PRIM2: variants seen among roughly 807,000 people sequenced by gnomAD.
The protein encoded by PRIM2 is DNA primase subunit 2.
A neutral mutation model predicts 67.3 loss-of-function variants in PRIM2; 39 were observed. The observed-to-expected ratio is 0.58, with a 90% CI of 0.45 to 0.76. The LOEUF is 0.76. Ranked by LOEUF, PRIM2 falls within the 30% of genes least tolerant of loss-of-function variation. The pLI, the probability that PRIM2 is intolerant of heterozygous loss-of-function variation, is 0.00. For missense variants in PRIM2, 398 were observed against 598.7 expected (o/e 0.66, Z 3.50); for synonymous variants, 143 against 198.7 (o/e 0.72, Z 2.36).
chr6:57,645,971 T>G lies in PRIM2; in HGVS notation c.1343T>G (p.Phe448Cys). ...GFSLNHPNQF[F>C]CESQRILNGG... ...TCTTTGAATCATCCTAATCAGTTCT[T>G]TTGTGAGAGCCAACGTATTCTAAAT... The change falls in exon 14 of 14, where the codon TTT becomes TGT. Residue 448 changes from phenylalanine (F) to cysteine (C), a missense_variant. Around this residue, in one of 4 missense-constraint regions of PRIM2, gnomAD observed 72 missense variants for 89.4 expected, o/e 0.81. Transcript: ENST00000615550. 6.2e-7 allele frequency: 1 copy of G among 1,605,090 alleles called. No individual in the cohort carries two copies. Among genetic ancestry groups the G allele is most frequent in the Non-Finnish European group, 8.5e-7 (1 of 1,171,814 alleles).
intron 7 of PRIM2, among the ~76,000 whole-genome samples, chr6:57,436,407 GAGAA>G (rs1772015476): frequency 6.6e-6 from 1 of 152,210 alleles, no homozygotes; most frequent in Non-Finnish European, 1.5e-5. Context: ...TCATGAGAGA[GAGAA>G]ATTCCTATTT....
chr6:57,577,427 A>ATTTTTTT (rs1161633688), intron 10 of PRIM2, among the ~76,000 whole-genome samples: 1 of 121,678 alleles, frequency 8.2e-6, no homozygotes, highest in African/African-American at 3.2e-5. Context: ...TGGTATATAA[A>ATTTTTTT]TTTTTTTTTT....
At chr6:57,645,320 TTCACACACACAC>T (rs1777315590) in intron 13 of PRIM2, among the ~76,000 whole-genome samples, 1 of 70,914 alleles carries the variant, frequency 1.4e-5, no homozygotes, top group Non-Finnish European at 2.9e-5. Context: ...TACAATGTCA[TTCACACACACAC>T]ACACACACAC....
intron 5 of PRIM2, among the ~76,000 whole-genome samples, chr6:57,331,926 C>A (rs1227692252): frequency 6.6e-6 from 1 of 150,968 alleles, no homozygotes; most frequent in African/African-American, 2.4e-5. Flanking sequence ...TTTAGTATTT[C>A]CTTCCTTCTG....
intron 7 of PRIM2, among the ~76,000 whole-genome samples, chr6:57,456,275 C>G (rs1388054925): frequency 6.6e-6 from 1 of 152,144 alleles, no homozygotes; most frequent in African/African-American, 2.4e-5. Context: ...TGGAGTTGCT[C>G]TTCTCGAGGA....
chr6:57,232,555 T>A, the PRIM2 span, among the ~76,000 whole-genome samples: 4 of 151,906 alleles, frequency 2.6e-5, no homozygotes, highest in African/African-American at 9.7e-5. Flanking sequence ...TCAAAAAAAA[T>A]AAAAATAAAA....
the PRIM2 span, among the ~76,000 whole-genome samples, chr6:57,268,226 G>A: frequency 1.3e-5 from 2 of 152,096 alleles, no homozygotes; most frequent in Admixed American, 6.5e-5. Flanking sequence ...ACCACATTTT[G>A]TTCCCTTCAA....
chr6:57,277,758 A>T, the PRIM2 span, among the ~76,000 whole-genome samples: 1 of 152,028 alleles, frequency 6.6e-6, no homozygotes, highest in Non-Finnish European at 1.5e-5. Context: ...AGGCGGGTGG[A>T]TCACAAGGTC....
At position 57,646,329 on chromosome 6, in the gene PRIM2, C is replaced by T; in HGVS notation, c.*171C>T. Reference sequence around the variant, plus strand: ...AAGTGATCCTCCTACCTCAGCCTCCCAAGTAGTTAGGACCACAGGTGTGCA... The same window carrying T: ...AAGTGATCCTCCTACCTCAGCCTCCTAAGTAGTTAGGACCACAGGTGTGCA... On this transcript the variant is annotated 3_prime_UTR_variant, in exon 14 of 14. Transcript: ENST00000615550. The T allele has an allele frequency of 1.6e-6, 1 of 613,964 alleles. No individual in the cohort carries two copies. Among genetic ancestry groups the T allele is most frequent in the Admixed American group, 2.9e-5 (1 of 34,058 alleles). 38.0% of individuals were successfully genotyped at this position (613,964 alleles called of 1,614,324 possible).
At chr6:57,529,655 A>C (rs1436659414) in intron 8 of PRIM2, among the ~76,000 whole-genome samples, 2 of 152,170 alleles carry the variant, frequency 1.3e-5, no homozygotes, top group Non-Finnish European at 2.9e-5. Flanking sequence ...ACAAGAGGAG[A>C]TGTGTTTTAG....
chr6:57,351,077 G>C (rs1312134795), intron 5 of PRIM2, among the ~76,000 whole-genome samples: 1 of 150,740 alleles, frequency 6.6e-6, no homozygotes, highest in Non-Finnish European at 1.5e-5. Context: ...AGTAAATAAA[G>C]GATTGGGGAA....
chr6:57,391,032 A>G (rs1321109192), intron 7 of PRIM2, among the ~76,000 whole-genome samples: 1 of 151,816 alleles, frequency 6.6e-6, no homozygotes, highest in Non-Finnish European at 1.5e-5. Flanking sequence ...TCCTCTTCGC[A>G]ACTTCATCAG....
upstream of PRIM2, among the ~76,000 whole-genome samples, chr6:57,311,322 A>C (rs1484408472): frequency 1.2e-5 from 1 of 83,544 alleles, no homozygotes; most frequent in Non-Finnish European, 2.3e-5. Flanking sequence ...ATTCAGGGCA[A>C]CCAGGCAGAG....
chr6:57,340,017 A>T (rs989952438), intron 5 of PRIM2, among the ~76,000 whole-genome samples: 1 of 152,004 alleles, frequency 6.6e-6, no homozygotes, highest in Admixed American at 6.6e-5. Flanking sequence ...TGAGGAAAAA[A>T]AAACAACCCC....
At chr6:57,515,793 A>G (rs1384770771) in intron 8 of PRIM2, among the ~76,000 whole-genome samples, 8 of 152,234 alleles carry the variant, frequency 5.3e-5, no homozygotes, top group African/African-American at 1.7e-4. Flanking sequence ...GTGGATTAAA[A>G]CAATCCCCAT....
intron 13 of PRIM2, among the ~76,000 whole-genome samples, chr6:57,635,253 CT>C (rs1402724551): frequency 6.6e-6 from 1 of 152,046 alleles, no homozygotes. Flanking sequence ...AACAATATTG[CT>C]TTCATTCCTT....
the PRIM2 span, among the ~76,000 whole-genome samples, chr6:57,304,525 C>T: frequency 2.6e-5 from 4 of 152,292 alleles, no homozygotes; most frequent in South Asian, 8.3e-4. Context: ...AAGCACAAAA[C>T]AACATAATTG....
At chr6:57,491,423 G>A (rs1773888498) in intron 7 of PRIM2, among the ~76,000 whole-genome samples, 2 of 152,102 alleles carry the variant, frequency 1.3e-5, no homozygotes, top group African/African-American at 4.8e-5. Flanking sequence ...AAAGATACAG[G>A]GTGGCAGGTC....
At chr6:57,428,919 A>C (rs1397442384) in intron 7 of PRIM2, among the ~76,000 whole-genome samples, 1 of 152,178 alleles carries the variant, frequency 6.6e-6, no homozygotes, top group Non-Finnish European at 1.5e-5. Flanking sequence ...TATGTATTCT[A>C]TGAACCTTTA....
Sources: allele counts gnomAD v4.1 joint callset (sites outside exome capture counted in the v4.1 genomes callset), GRCh38; gene constraint gnomAD v4.1.1; regional missense constraint gnomAD v4.1.1; transcripts MANE v1.5; gene names NCBI Gene and HGNC (gene_info 2026-07-23, HGNC 2026-07-21).